Variants in RIMS2 observed in about 807,000 individuals in gnomAD.
RIMS2 encodes the protein regulating synaptic membrane exocytosis 2.
A neutral mutation model predicts 174.4 loss-of-function variants in RIMS2; 59 were observed. The observed-to-expected ratio is 0.34, with a 90% CI of 0.27 to 0.42. The LOEUF (loss-of-function observed/expected upper bound fraction) is 0.42. Among genes scored for constraint, RIMS2 ranks in the 10% least tolerant of loss-of-function variants. RIMS2 has a pLI of 1.00. For synonymous variants in RIMS2, 606 were observed against 572.5 expected, an observed-to-expected ratio of 1.06 and a Z score of -0.84; for missense variants, 1,620 against 1,666.3, an observed-to-expected ratio of 0.97 and a Z score of 0.48.
chr8:103,659,966 G>A (rs1460803649), intron 1 of RIMS2, among the ~76,000 whole-genome samples: 3 of 152,192 alleles, frequency 2.0e-5, no homozygotes, highest in Non-Finnish European at 2.9e-5. Context: ...GTGGGCTCCC[G>A]CCTGGATGGT....
intron 19 of RIMS2, among the ~76,000 whole-genome samples, chr8:104,185,769 A>G (rs2098964698): frequency 6.6e-6 from 1 of 151,684 alleles, no homozygotes; most frequent in Non-Finnish European, 1.5e-5. Context: ...GAACCCTTAT[A>G]CACTGTTGAT....
intron 17 of RIMS2, among the ~76,000 whole-genome samples, chr8:104,007,446 C>A (rs1368525983): frequency 2.0e-5 from 3 of 152,056 alleles, no homozygotes; most frequent in Non-Finnish European, 4.4e-5. Flanking sequence ...AAACGGATTC[C>A]GATCTAATTT....
At chr8:103,849,942 T>C (rs1368770281) in intron 3 of RIMS2, among the ~76,000 whole-genome samples, 2 of 152,010 alleles carry the variant, frequency 1.3e-5, no homozygotes, top group Non-Finnish European at 2.9e-5. Context: ...AGTAAGTTGG[T>C]GAGGAAAAAT....
intron 14 of RIMS2, among the ~76,000 whole-genome samples, chr8:103,959,421 A>T (rs2088974189): frequency 6.6e-6 from 1 of 151,718 alleles, no homozygotes; most frequent in African/African-American, 2.4e-5. Flanking sequence ...GCATACCTAA[A>T]AAAGTAATTT....
intron 1 of RIMS2, among the ~76,000 whole-genome samples, chr8:103,656,019 G>C (rs1285134437): frequency 6.6e-6 from 1 of 152,116 alleles, no homozygotes; most frequent in South Asian, 2.1e-4. Context: ...TGAGGACTTT[G>C]CTAGTGATAG....
intron 19 of RIMS2, chr8:104,223,681 C>G: frequency 6.3e-7 from 1 of 1,590,800 alleles, no homozygotes; most frequent in East Asian, 2.3e-5. Context: ...GGGGTGCCAG[C>G]GCTGCGGGGC....
chr8:103,748,739 C>T (rs1198100190), intron 2 of RIMS2, among the ~76,000 whole-genome samples: 1 of 151,778 alleles, frequency 6.6e-6, no homozygotes, highest in Non-Finnish European at 1.5e-5. Context: ...ATAATTTATC[C>T]TCTTCAGAAA....
chr8:103,986,358 T>C (rs1007474847), intron 16 of RIMS2, among the ~76,000 whole-genome samples: 2 of 151,896 alleles, frequency 1.3e-5, no homozygotes, highest in Admixed American at 1.3e-4. Context: ...TGAAACAAAA[T>C]GAGGCACAGA....
chr8:104,214,848 A>C (rs1031536692), intron 19 of RIMS2, among the ~76,000 whole-genome samples: 7 of 152,224 alleles, frequency 4.6e-5, no homozygotes, highest in Admixed American at 3.3e-4. Flanking sequence ...TGTTTACCAA[A>C]TATACTAAGC....
At chr8:104,081,274 A>C (rs1423621835) in intron 19 of RIMS2, among the ~76,000 whole-genome samples, 1 of 152,008 alleles carries the variant, frequency 6.6e-6, no homozygotes, top group East Asian at 1.9e-4. Context: ...AAATAAAATC[A>C]CCTGAATTTT....
At chr8:104,005,910 TAGAACATAGACTATGTTC>T (rs999481917) in intron 17 of RIMS2, among the ~76,000 whole-genome samples, 4 of 151,972 alleles carry the variant, frequency 2.6e-5, no homozygotes, top group African/African-American at 9.7e-5. Flanking sequence ...ACAGTCTATG[TAGAACATAGACTATGTTC>T]TATGTTCTAC....
At chr8:103,980,518 A>G (rs913989425) in intron 16 of RIMS2, among the ~76,000 whole-genome samples, 5 of 152,104 alleles carry the variant, frequency 3.3e-5, no homozygotes, top group Non-Finnish European at 7.4e-5. Flanking sequence ...GGCTGTGATG[A>G]AAGACTGCTT....
chr8:104,108,632 C>T (rs1039302389), intron 19 of RIMS2, among the ~76,000 whole-genome samples: 8 of 151,948 alleles, frequency 5.3e-5, no homozygotes, highest in Admixed American at 1.3e-4. Context: ...TTCTCCCACT[C>T]TTGTTAGATT....
At chr8:104,219,062 A>G (rs963922961) in intron 19 of RIMS2, among the ~76,000 whole-genome samples, 1 of 152,234 alleles carries the variant, frequency 6.6e-6, no homozygotes, top group African/African-American at 2.4e-5. Flanking sequence ...TTTAAAAACT[A>G]TTACAAAAAG....
At chr8:103,735,609 A>C (rs2097675427) in intron 2 of RIMS2, among the ~76,000 whole-genome samples, 1 of 152,076 alleles carries the variant, frequency 6.6e-6, no homozygotes, top group Admixed American at 6.5e-5. Context: ...AATCATGGGA[A>C]TCTTTGGCAG....
At chr8:103,844,948 C>T (rs994798011) in intron 3 of RIMS2, among the ~76,000 whole-genome samples, 3 of 152,062 alleles carry the variant, frequency 2.0e-5, no homozygotes, top group African/African-American at 7.2e-5. Context: ...TTTCAACATA[C>T]TTCAGCATTT....
At chr8:103,586,793 A>G (rs2133102035) in intron 1 of RIMS2, among the ~76,000 whole-genome samples, 1 of 152,218 alleles carries the variant, frequency 6.6e-6, no homozygotes, top group Middle Eastern at 3.4e-3. Flanking sequence ...GATCAGTGAA[A>G]CAAAAATTGG....
intron 1 of RIMS2, among the ~76,000 whole-genome samples, chr8:103,515,716 C>T (rs1828658642): frequency 6.6e-6 from 1 of 152,030 alleles, no homozygotes; most frequent in African/African-American, 2.4e-5. Context: ...AGAATGAACT[C>T]TGATTATAGA....
intron 4 of RIMS2, among the ~76,000 whole-genome samples, chr8:103,899,520 T>G (rs1594795114): frequency 6.6e-6 from 1 of 151,986 alleles, no homozygotes; most frequent in East Asian, 1.9e-4. Flanking sequence ...ATAAATGTCT[T>G]CTTTTGAAAA....
Sources: gnomAD v4.1 joint callset for allele counts (sites outside exome capture counted in the v4.1 genomes callset) on GRCh38, gnomAD v4.1.1 for gene constraint, MANE v1.5 for transcripts, NCBI Gene and HGNC (gene_info 2026-07-23, HGNC 2026-07-21) for gene names.